Variants in HNF4G observed in about 807,000 individuals in gnomAD.
The protein encoded by HNF4G is hepatocyte nuclear factor 4-gamma.
In HNF4G, 21 loss-of-function variants were observed where a neutral mutation model predicts 50.9. That is an observed-to-expected ratio of 0.41 (90% CI 0.29 to 0.59). The LOEUF is 0.59. HNF4G is among the 20% of genes least tolerant of loss of function. The pLI, the probability that HNF4G is intolerant of heterozygous loss-of-function variation, is 0.26. For missense variants in HNF4G, 527 were observed against 559.4 expected (o/e 0.94, Z 0.58); for synonymous variants, 198 against 185.6 (o/e 1.07, Z -0.54).
intron 1 of HNF4G, among the ~76,000 whole-genome samples, chr8:75,470,742 A>G (rs2130631534): frequency 6.6e-6 from 1 of 152,336 alleles, no homozygotes; most frequent in African/African-American, 2.4e-5. Context: ...TCAAGGCAAT[A>G]GTTATGCTAT....
intron 1 of HNF4G, among the ~76,000 whole-genome samples, chr8:75,542,830 A>C (rs2130787087): frequency 6.6e-6 from 1 of 152,196 alleles, no homozygotes; most frequent in East Asian, 1.9e-4. Flanking sequence ...CTGTTGCCAT[A>C]ATCTAGAGGA....
At chr8:75,495,688 C>T (rs2130693634) in intron 2 of HNF4G, among the ~76,000 whole-genome samples, 1 of 152,056 alleles carries the variant, frequency 6.6e-6, no homozygotes, top group East Asian at 1.9e-4. Context: ...CAGGCCCGTC[C>T]CACCAGGCCT....
intron 2 of HNF4G, 127 bp from the exon 3 acceptor site, chr8:75,547,460 G>C (rs1806818434): frequency 1.5e-6 from 1 of 663,854 alleles, no homozygotes; most frequent in Non-Finnish European, 2.6e-6. Context: ...GGTCATAGCT[G>C]ATTGTTCCTA....
chr8:75,531,063 G>A (rs1311296119), intron 2 of HNF4G, among the ~76,000 whole-genome samples: 1 of 151,866 alleles, frequency 6.6e-6, no homozygotes, highest in Non-Finnish European at 1.5e-5. Flanking sequence ...CAAGGTGCTG[G>A]GATTACAGGT....
Position 75,550,112 on chromosome 8 carries a change from T to A in HNF4G, c.383-1276T>A, listed in dbSNP as rs569335695. 1.7e-4 allele frequency among the ~76,000 whole-genome samples: 26 copies of A among 152,294 alleles called. No homozygotes were observed. The East Asian group carries it at 2.9e-3, about 17-fold the overall frequency. The stretch of plus-strand genomic sequence containing the variant: ...TTTAGGTCTCTAGAAATTGGTGGAT[T>A]TCTTTAACAAAAGCATACTTGCAGA... On this transcript the variant is annotated intron_variant, in intron 3 of 9. Coordinates refer to ENST00000396423, the MANE Select transcript of HNF4G (RefSeq NM_004133.5).
At chr8:75,557,807 TA>T (rs1188177376) in intron 6 of HNF4G, among the ~76,000 whole-genome samples, 3 of 152,118 alleles carry the variant, frequency 2.0e-5, no homozygotes, top group East Asian at 3.9e-4. Context: ...AACCAGAAAA[TA>T]ACAATTTAAC....
chr8:75,485,120 A>G (rs949675047), intron 1 of HNF4G, among the ~76,000 whole-genome samples: 3 of 152,254 alleles, frequency 2.0e-5, no homozygotes, highest in African/African-American at 4.8e-5. Context: ...TAATAAATTT[A>G]TAAACATGTT....
chr8:75,554,041 T>G (rs1228892681), intron 5 of HNF4G, among the ~76,000 whole-genome samples: 1 of 152,100 alleles, frequency 6.6e-6, no homozygotes, highest in East Asian at 1.9e-4. Flanking sequence ...GTAAGTGTTA[T>G]AACCAGTGTA....
intron 5 of HNF4G, among the ~76,000 whole-genome samples, chr8:75,554,490 C>A (rs1057306279): frequency 1.1e-4 from 17 of 152,018 alleles, no homozygotes; most frequent in Non-Finnish European, 2.5e-4. Context: ...CTTTCAGTTG[C>A]ACTATAAATT....
chr8:75,410,527 TACTA>T (rs911095578), intron 1 of HNF4G, among the ~76,000 whole-genome samples: 14 of 152,208 alleles, frequency 9.2e-5, no homozygotes, highest in African/African-American at 3.1e-4. Context: ...CCGCATTTGT[TACTA>T]ACTATCCATT....
At chr8:75,441,499 C>CAATCACTGGGATTGCTGTGTGAGCCCAG (rs1811285177) in intron 1 of HNF4G, among the ~76,000 whole-genome samples, 1 of 152,214 alleles carries the variant, frequency 6.6e-6, no homozygotes, top group Non-Finnish European at 1.5e-5. Flanking sequence ...CCCTCTTCAG[C>CAATCACTGGGATTGCTGTGTGAGCCCAG]CTCCCAAAGT....
rs1330086816 is a variant in HNF4G, at chr8:75,565,346, TA to T, written c.*1251del. The T allele has an allele frequency of 6.8e-6, 1 of 147,216 alleles. No homozygotes were observed. The highest frequency in any genetic ancestry group is 1.5e-5 in the Non-Finnish European group (1 of 65,856). 9.1% of individuals were successfully genotyped at this position (147,216 alleles called of 1,614,324 possible). On this transcript the variant is annotated 3_prime_UTR_variant, in exon 10 of 10. Transcript: ENST00000396423. ...TAGCTTGAATAAGAAACCACTTTTG[TA>T]GTTTTAACCAGACTTTCTCTTAAAA...
At chr8:75,422,137 C>T (rs1179208692) in intron 1 of HNF4G, among the ~76,000 whole-genome samples, 1 of 152,026 alleles carries the variant, frequency 6.6e-6, no homozygotes, top group Admixed American at 6.6e-5. Flanking sequence ...TATCTTACTA[C>T]TTATGCTGTG....
chr8:75,533,096 T>A (rs2941457), intron 2 of HNF4G, among the ~76,000 whole-genome samples: 6,093 of 152,144 alleles, frequency 0.04, 153 homozygotes, highest in Non-Finnish European at 0.058. Flanking sequence ...AATGTACTCA[T>A]GTACTCAGTG....
chr8:75,449,576 G>T (rs1259483884), intron 1 of HNF4G, among the ~76,000 whole-genome samples: 2 of 141,206 alleles, frequency 1.4e-5, no homozygotes, highest in African/African-American at 2.7e-5. Flanking sequence ...GGGCGATCTC[G>T]GCTCACTGCA....
At chr8:75,534,576 G>A (rs1436023925) in intron 2 of HNF4G, among the ~76,000 whole-genome samples, 4 of 151,730 alleles carry the variant, frequency 2.6e-5, no homozygotes, top group Non-Finnish European at 4.4e-5. Context: ...TTTAAATAAC[G>A]TAGTGTTTTA....
At chr8:75,483,068 T>G (rs1812417881) in intron 1 of HNF4G, among the ~76,000 whole-genome samples, 2 of 152,152 alleles carry the variant, frequency 1.3e-5, no homozygotes, top group Admixed American at 1.3e-4. Flanking sequence ...GAACTGAACA[T>G]GCGCAGGTAT....
chr8:75,462,032 C>G (rs971629422), intron 1 of HNF4G, among the ~76,000 whole-genome samples: 8 of 151,542 alleles, frequency 5.3e-5, no homozygotes, highest in Non-Finnish European at 7.4e-5. Context: ...ATTCTCCTGC[C>G]TCAGCCTCCC....
chr8:75,439,727 A>G (rs897134142), intron 1 of HNF4G, among the ~76,000 whole-genome samples: 2 of 152,008 alleles, frequency 1.3e-5, no homozygotes, highest in Admixed American at 1.3e-4. Context: ...AACATTCTCT[A>G]CTGAACATTT....
Sources: allele counts gnomAD v4.1 joint callset (sites outside exome capture counted in the v4.1 genomes callset), GRCh38; gene constraint gnomAD v4.1.1; transcripts MANE v1.5; gene names NCBI Gene and HGNC (gene_info 2026-07-23, HGNC 2026-07-21).